The following DLG2 variants were observed in gnomAD, a reference collection of about 807,000 sequenced individuals.
DLG2 encodes the protein disks large homolog 2.
A neutral mutation model predicts 132.5 loss-of-function variants in DLG2; 45 were observed. That is an observed-to-expected ratio of 0.34 (90% CI 0.27 to 0.44). The LOEUF (loss-of-function observed/expected upper bound fraction) is 0.44. Ranked by LOEUF, DLG2 falls within the 20% of genes least tolerant of loss-of-function variation. The pLI is 1.00. For synonymous variants in DLG2, 424 were observed against 419.6 expected (o/e 1.01, Z -0.13); for missense variants, 1,045 against 1,196.9 (o/e 0.87, Z 1.87).
At chr11:84,292,067 G>T (rs909194744) in intron 7 of DLG2, among the ~76,000 whole-genome samples, 8 of 152,134 alleles carry the variant, frequency 5.3e-5, no homozygotes, top group South Asian at 2.1e-4. Context: ...TGACTATAGA[G>T]TGTGATGAAA....
intron 6 of DLG2, among the ~76,000 whole-genome samples, chr11:84,665,823 G>A (rs188550798): frequency 6.6e-4 from 101 of 152,264 alleles, no homozygotes; most frequent in Admixed American, 1.6e-3. Flanking sequence ...CAGAAAAAGT[G>A]TGATGAGTGA....
chr11:84,924,825 T>TA (rs372818555), intron 6 of DLG2, among the ~76,000 whole-genome samples: 267 of 152,242 alleles, frequency 1.8e-3, no homozygotes, highest in African/African-American at 6.1e-3. Context: ...TATAAGCACT[T>TA]ACAACACAAC....
intron 6 of DLG2, among the ~76,000 whole-genome samples, chr11:84,632,692 A>T (rs1391309274): frequency 6.6e-6 from 1 of 152,204 alleles, no homozygotes. Flanking sequence ...CGCTTAAGCC[A>T]TCCCTGAAGG....
At chr11:85,523,235 C>T (rs1255548212) in intron 3 of DLG2, among the ~76,000 whole-genome samples, 1 of 152,156 alleles carries the variant, frequency 6.6e-6, no homozygotes, top group Non-Finnish European at 1.5e-5. Flanking sequence ...TTCTCTCTCC[C>T]ACTGCCATGT....
At chr11:84,308,944 G>A (rs1007891083) in intron 7 of DLG2, among the ~76,000 whole-genome samples, 4 of 152,198 alleles carry the variant, frequency 2.6e-5, no homozygotes, top group African/African-American at 9.6e-5. Flanking sequence ...CAAGCTGAGG[G>A]AGCCGGCTCC....
At chr11:84,753,754 T>C (rs1237779499) in intron 6 of DLG2, among the ~76,000 whole-genome samples, 1 of 152,212 alleles carries the variant, frequency 6.6e-6, no homozygotes, top group Admixed American at 6.5e-5. Context: ...GGAGCATCAC[T>C]AGAAGGCTAA....
At position 85,616,940 on chromosome 11, in the gene DLG2, T is replaced by C. The variant is rs78480010; in HGVS notation, c.-93+9647A>G. 4.0e-3 allele frequency among the ~76,000 whole-genome samples: 611 copies of C among 152,292 alleles called. 5 individuals carry two copies. Among genetic ancestry groups the C allele is most frequent in the African/African-American group, 0.014 (582 of 41,558 alleles). ...AGAGCTATCTAGACACAACAACTCATATGTCAGAAGTAAGCTGTTTTATAT... is the reference window on the plus strand; with the variant it reads ...AGAGCTATCTAGACACAACAACTCACATGTCAGAAGTAAGCTGTTTTATAT... On this transcript the variant is annotated intron_variant, in intron 2 of 27. Coordinates refer to ENST00000376104, the MANE Select transcript of DLG2 (RefSeq NM_001142699.3).
chr11:84,656,170 T>G (rs1051924201), intron 6 of DLG2, among the ~76,000 whole-genome samples: 1 of 152,188 alleles, frequency 6.6e-6, no homozygotes, highest in African/African-American at 2.4e-5. Flanking sequence ...TCACATGGCA[T>G]GCATCGACAG....
At chr11:83,858,885 G>A (rs1346522880) in intron 16 of DLG2, among the ~76,000 whole-genome samples, 1 of 152,120 alleles carries the variant, frequency 6.6e-6, no homozygotes, top group African/African-American at 2.4e-5. Flanking sequence ...AAACACAAAT[G>A]CATAAAAATG....
At chr11:83,488,235 C>A (rs919726631) in intron 21 of DLG2, among the ~76,000 whole-genome samples, 34 of 151,902 alleles carry the variant, frequency 2.2e-4, no homozygotes, top group African/African-American at 8.0e-4. Flanking sequence ...CCAACCCTCG[C>A]AATCAATTAG....
intron 6 of DLG2, among the ~76,000 whole-genome samples, chr11:84,855,000 T>C (rs2082605303): frequency 6.6e-6 from 1 of 152,154 alleles, no homozygotes; most frequent in Non-Finnish European, 1.5e-5. Flanking sequence ...TAGAAGGTGC[T>C]CAGGAAATAA....
rs78048776 is a variant in DLG2, at chr11:84,708,816, A to G, written c.358-174085T>C. ...ACAGAGAGAAAATGTCTCATTTTAC[A>G]AAATTCAAAAAAGGTGTATTTAGGA... On this transcript the variant is annotated intron_variant, in intron 6 of 27. Coordinates refer to ENST00000376104, the MANE Select transcript of DLG2 (RefSeq NM_001142699.3). Among the ~76,000 whole-genome samples the G allele has an allele frequency of 8.9e-3, 1,357 of 152,074 alleles. 11 individuals are homozygous for G. The highest frequency in any genetic ancestry group is 0.012 in the African/African-American group (501 of 41,538).
At chr11:84,837,479 T>C (rs1194276635) in intron 6 of DLG2, among the ~76,000 whole-genome samples, 2 of 151,828 alleles carry the variant, frequency 1.3e-5, no homozygotes, top group Admixed American at 6.6e-5. Context: ...TTCTCCTAGA[T>C]GGCTCCTAGT....
chr11:84,922,187 A>G (rs2154084340), intron 6 of DLG2, among the ~76,000 whole-genome samples: 1 of 152,308 alleles, frequency 6.6e-6, no homozygotes, highest in Non-Finnish European at 1.5e-5. Context: ...AAAAAAAAAA[A>G]AAAAGATTCC....
intron 8 of DLG2, among the ~76,000 whole-genome samples, chr11:84,246,870 C>G (rs1379418852): frequency 6.6e-6 from 1 of 152,076 alleles, no homozygotes; most frequent in African/African-American, 2.4e-5. Flanking sequence ...ATGCTTATTG[C>G]CGCTGATTTT....
chr11:84,154,947 C>G (rs2095398189), intron 9 of DLG2, among the ~76,000 whole-genome samples: 2 of 152,026 alleles, frequency 1.3e-5, no homozygotes, highest in Non-Finnish European at 1.5e-5. Flanking sequence ...TTCTGCACAG[C>G]AAAAGAAACT....
intron 3 of DLG2, among the ~76,000 whole-genome samples, chr11:85,293,696 A>G (rs954188552): frequency 3.3e-5 from 5 of 152,186 alleles, no homozygotes; most frequent in African/African-American, 7.2e-5. Flanking sequence ...GCAACGGGTA[A>G]TGTAACTTAG....
chr11:84,692,451 T>TA (rs1178748656), intron 6 of DLG2, among the ~76,000 whole-genome samples: 3 of 151,714 alleles, frequency 2.0e-5, no homozygotes, highest in East Asian at 1.9e-4. Flanking sequence ...ATCCTCAAAT[T>TA]AAAAAAACAA....
chr11:84,286,847 G>T (rs952667493), intron 7 of DLG2, among the ~76,000 whole-genome samples: 1 of 152,142 alleles, frequency 6.6e-6, no homozygotes, highest in Non-Finnish European at 1.5e-5. Context: ...GTTACCAAAG[G>T]CTGGGGTTGA....
Sources: gnomAD v4.1 joint callset for allele counts (sites outside exome capture counted in the v4.1 genomes callset) on GRCh38, gnomAD v4.1.1 for gene constraint, MANE v1.5 for transcripts, NCBI Gene and HGNC (gene_info 2026-07-23, HGNC 2026-07-21) for gene names.